The following KIF19 variants were observed in gnomAD, a reference collection of about 807,000 sequenced individuals.
KIF19 encodes kinesin family member 19, also known as kinesin-like protein KIF19.
Under a neutral mutation model 106.6 loss-of-function variants are expected in KIF19, and 98 were observed. The observed-to-expected ratio is 0.92, with a 90% CI of 0.78 to 1.09. The LOEUF is 1.09. Ranked by LOEUF, KIF19 falls within the 50% of genes least tolerant of loss-of-function variation. KIF19 has a pLI of 0.00. For missense variants in KIF19, 1,373 were observed against 1,414.3 expected, an observed-to-expected ratio of 0.97 and a Z score of 0.47; for synonymous variants, 516 against 584.2, an observed-to-expected ratio of 0.88 and a Z score of 1.68.
intron 16 of KIF19, 21 bp from the exon 17 acceptor site, chr17:74,353,473 C>T (rs2144302507): frequency 1.2e-6 from 2 of 1,611,020 alleles, no homozygotes; most frequent in South Asian, 2.2e-5. Context: ...GTTTCCTCCT[C>T]CCAACCACTC....
intron 2 of KIF19, among the ~76,000 whole-genome samples, chr17:74,333,129 A>G (rs2054137037): frequency 6.6e-6 from 1 of 152,136 alleles, no homozygotes; most frequent in Admixed American, 6.5e-5. Flanking sequence ...TGAGGTGGGA[A>G]ACTCCCTGCA....
At chr17:74,326,655 C>G (rs1253798325) in intron 1 of KIF19, among the ~76,000 whole-genome samples, 1 of 152,182 alleles carries the variant, frequency 6.6e-6, no homozygotes, top group Non-Finnish European at 1.5e-5. Flanking sequence ...GAGATCCCGC[C>G]CCCAAAGCGT....
At position 74,344,937 on chromosome 17, in the gene KIF19, C is replaced by G. The variant is rs770710316; in HGVS notation, c.759C>G (p.Gly253=). 6.2e-7 allele frequency: 1 copy of G among 1,606,446 alleles called. No homozygotes were observed. The change falls in exon 7 of 20, where the codon GGC becomes GGG. Residue 253 remains glycine, a synonymous_variant. Transcript: ENST00000389916. ...QGRLFMIDLA[G]SERASQTQNR... is the part of the protein sequence containing the mutation. Reference sequence around the variant, plus strand: ...GCCTGTTCATGATCGACCTGGCTGGCTCAGAGCGCGCCTCGCAGGTGAGGC... The same window carrying G: ...GCCTGTTCATGATCGACCTGGCTGGGTCAGAGCGCGCCTCGCAGGTGAGGC...
chr17:74,350,113 C>T (rs1304675455), intron 10 of KIF19, among the ~76,000 whole-genome samples: 1 of 152,050 alleles, frequency 6.6e-6, no homozygotes, highest in Non-Finnish European at 1.5e-5. Flanking sequence ...ACGGTAGTTT[C>T]TAGGGGCACC....
At chr17:74,328,069 CAGCACGTCATTCGCGGA>C (rs2053961992) in intron 1 of KIF19, among the ~76,000 whole-genome samples, 2 of 152,348 alleles carry the variant, frequency 1.3e-5, no homozygotes, top group Admixed American at 6.5e-5. Context: ...CCTTCCTCTG[CAGCACGTCATTCGCGGA>C]AACACAGAGA....
chr17:74,336,239 T>A (rs185594592), intron 2 of KIF19, among the ~76,000 whole-genome samples: 45 of 152,276 alleles, frequency 3.0e-4, no homozygotes, highest in African/African-American at 9.6e-4. Context: ...CAGCTAATTC[T>A]TGTACTTTTA....
At chr17:74,343,724 G>A (rs1158559468) in intron 5 of KIF19, among the ~76,000 whole-genome samples, 1 of 152,220 alleles carries the variant, frequency 6.6e-6, no homozygotes, top group Non-Finnish European at 1.5e-5. Context: ...GTGAGGCACA[G>A]CACCAGCAGC....
At chr17:74,353,388 C>G in intron 16 of KIF19, 87 bp downstream of exon 16, 4 of 1,448,590 alleles carry the variant, frequency 2.8e-6, no homozygotes, top group Non-Finnish European at 3.8e-6. Flanking sequence ...GGGATGGACC[C>G]TTTCCCAAAC....
chr17:74,332,200 G>GTGTGTGTT (rs2054105740), intron 2 of KIF19, among the ~76,000 whole-genome samples: 1 of 76,018 alleles, frequency 1.3e-5, no homozygotes, highest in African/African-American at 5.1e-5. Flanking sequence ...GTGTGTGTGT[G>GTGTGTGTT]TGTGTGTGTT....
Position 74,353,495 on chromosome 17 carries a change from C to T in KIF19, c.2222C>T (p.Ala741Val), listed in dbSNP as rs142438728. The change falls in exon 17 of 20, where the codon GCC becomes GTC. Residue 741 changes from alanine to valine, a missense_variant and splice_region_variant. This residue lies in a region of KIF19 where 1,020 missense variants were observed against 1,008.2 expected (regional missense o/e 1.01). Transcript: ENST00000389916. ...IQLGSLVTQEAPAQDSLGSWI... is the reference protein window; with the variant it reads ...IQLGSLVTQEVPAQDSLGSWI... Reference sequence around the variant, plus strand: ...CCTCCCAACCACTCCACCCCACAGGCCCCGGCTCAGGACAGCCTGGGCAGC... The same window carrying T: ...CCTCCCAACCACTCCACCCCACAGGTCCCGGCTCAGGACAGCCTGGGCAGC... 263 of 1,613,622 alleles carry T rather than the reference C, an allele frequency of 1.6e-4. No individual in the cohort carries two copies. In the African/African-American group the frequency reaches 2.9e-3, roughly 17 times the overall value.
chr17:74,355,519 G>T lies in KIF19; in HGVS notation c.*207G>T. 4.7e-6 allele frequency: 3 copies of T among 636,600 alleles called. No homozygotes were observed. Among genetic ancestry groups the T allele is most frequent in the Non-Finnish European group, 7.5e-6 (3 of 398,608 alleles). 39.4% of individuals were successfully genotyped at this position (636,600 alleles called of 1,614,324 possible). A position where few individuals can be genotyped will look rare whatever the true frequency, so the allele number is the denominator to read the frequency against. On this transcript the variant is annotated 3_prime_UTR_variant, in exon 20 of 20. Coordinates refer to ENST00000389916, the MANE Select transcript of KIF19 (RefSeq NM_153209.4). ...ACTGGGGAAAAGAGGTGAGGCCAGG[G>T]GACATGGCCAGGACGGCTGGGCTCC...
chr17:74,354,040 C>T (rs1336507453), intron 17 of KIF19, 122 bp from the exon 18 acceptor site: 1 of 1,133,088 alleles, frequency 8.8e-7, no homozygotes, highest in Non-Finnish European at 1.2e-6. Context: ...CATAGCAAAC[C>T]CCTGGAAGTG....
intron 9 of KIF19, 68 bp downstream of exon 9, chr17:74,347,967 C>CCCTG: frequency 6.6e-7 from 1 of 1,513,580 alleles, no homozygotes; most frequent in South Asian, 1.2e-5. Flanking sequence ...CCGGGCTGAT[C>CCCTG]CCTGCCACCC....
chr17:74,349,461 G>T (rs2054632157), intron 10 of KIF19, 112 bp downstream of exon 10: 1 of 1,110,736 alleles, frequency 9.0e-7, no homozygotes. Context: ...TGGCTGGGTG[G>T]TTGAGCTAGG....
intron 1 of KIF19, among the ~76,000 whole-genome samples, chr17:74,326,744 G>A (rs1598361822): frequency 6.6e-6 from 1 of 152,190 alleles, no homozygotes; most frequent in Non-Finnish European, 1.5e-5. Flanking sequence ...CAGAAGGAGG[G>A]TGGCGGTTTC....
chr17:74,347,134 C>A (rs572920294), intron 8 of KIF19, among the ~76,000 whole-genome samples: 1 of 152,286 alleles, frequency 6.6e-6, no homozygotes, highest in East Asian at 1.9e-4. Flanking sequence ...AGAGGCCTCC[C>A]TGATCTAATA....
In KIF19 at chr17:74,343,184, G is replaced by C. The variant is rs148288456; in HGVS notation, c.456+24G>C. The C allele has an allele frequency of 9.8e-5, 158 of 1,609,194 alleles. 1 individual carries two copies. In the East Asian group the frequency reaches 3.3e-3, roughly 34 times the overall value. ...AGGTGAGTCCCCCAGCCTAGGCTCA[G>C]ATGGGGCTGGCCTCCCTCCCTGGGG... On this transcript the variant is annotated intron_variant, in intron 5 of 19. Coordinates refer to ENST00000389916, the MANE Select transcript of KIF19 (RefSeq NM_153209.4).
intron 12 of KIF19, among the ~76,000 whole-genome samples, chr17:74,351,528 A>G (rs562013870): frequency 8.0e-4 from 122 of 152,244 alleles, no homozygotes; most frequent in Non-Finnish European, 1.2e-3. Context: ...GGTTTTCCCA[A>G]TAACAGATCT....
intron 2 of KIF19, among the ~76,000 whole-genome samples, chr17:74,339,743 G>A (rs1000583943): frequency 6.6e-6 from 1 of 152,240 alleles, no homozygotes; most frequent in Non-Finnish European, 1.5e-5. Flanking sequence ...AGGGAGCCCA[G>A]GCGTCCCCAG....
Sources: allele counts gnomAD v4.1 joint callset (sites outside exome capture counted in the v4.1 genomes callset), GRCh38; gene constraint gnomAD v4.1.1; regional missense constraint gnomAD v4.1.1; transcripts MANE v1.5; gene names NCBI Gene and HGNC (gene_info 2026-07-23, HGNC 2026-07-21).